SLC22A5: variants seen among roughly 807,000 people sequenced by gnomAD.
SLC22A5 encodes solute carrier family 22 member 5, also known as organic cation/carnitine transporter 2.
SLC22A5 carries 44 observed loss-of-function variants against 56.7 expected under a neutral mutation model. That is an observed-to-expected ratio of 0.78 (90% confidence interval 0.61 to 1.00). The LOEUF (loss-of-function observed/expected upper bound fraction) is 1.00. Among genes scored for constraint, SLC22A5 ranks in the 50% least tolerant of loss-of-function variants. SLC22A5 has a pLI of 0.00. For missense variants in SLC22A5, 675 were observed against 723.0 expected (o/e 0.93, Z 0.76); for synonymous variants, 278 against 292.1 (o/e 0.95, Z 0.49).
intron 9 of SLC22A5, 90 bp from the exon 10 acceptor site, chr5:132,394,095 A>T: frequency 2.2e-6 from 2 of 923,826 alleles, no homozygotes; most frequent in Non-Finnish European, 1.8e-6. Flanking sequence ...TTCTCTTCCC[A>T]GGGAAGATAT....
At chr5:132,382,541 C>T (rs550834115) in intron 2 of SLC22A5, 4 of 152,256 alleles carry the variant, frequency 2.6e-5, no homozygotes, top group African/African-American at 9.6e-5. Context: ...TCATTGAGAG[C>T]TTGGTCCCTA....
intron 1 of SLC22A5, chr5:132,377,583 T>C (rs1039344717): frequency 1.3e-5 from 2 of 152,714 alleles, no homozygotes; most frequent in African/African-American, 4.8e-5. Flanking sequence ...AGACCTCTTT[T>C]TCTGTTCATG....
intron 5 of SLC22A5, chr5:132,387,880 A>G: frequency 6.4e-6 from 1 of 155,448 alleles, no homozygotes; most frequent in Non-Finnish European, 1.4e-5. Flanking sequence ...AGAAGCTGTA[A>G]ATGCTGCCTG....
Position 132,370,134 on chromosome 5 carries a change from C to A in SLC22A5, c.162C>A (p.Asp54Glu). The A allele has an allele frequency of 6.2e-7, 1 of 1,610,390 alleles. No homozygotes were observed. Among genetic ancestry groups the A allele is most frequent in the Non-Finnish European group, 8.5e-7 (1 of 1,178,774 alleles). ...CGGAGCACCGCTGCCGGGTGCCGGA[C>A]GCCGCGAACCTGAGCAGCGCCTGGC... ...ATPEHRCRVP[D>E]AANLSSAWRN... Residue 54 changes from aspartate to glutamate, a missense_variant, in exon 1 of 10, where the codon GAC becomes GAA. Asp to Glu is a conservative substitution (Grantham distance 45). Transcript: ENST00000245407.
At chr5:132,371,271 C>T (rs1023112258) in intron 1 of SLC22A5, among the ~76,000 whole-genome samples, 2 of 152,176 alleles carry the variant, frequency 1.3e-5, no homozygotes, top group African/African-American at 2.4e-5. Context: ...CGTCAGTTGT[C>T]ACTCTTTAAG....
chr5:132,386,798 G>C (rs1037226298), intron 4 of SLC22A5, among the ~76,000 whole-genome samples: 3 of 152,182 alleles, frequency 2.0e-5, no homozygotes, highest in Non-Finnish European at 4.4e-5. Flanking sequence ...ATGCCGTCAG[G>C]GGGTGCAGGG....
At chr5:132,392,391 G>A in intron 7 of SLC22A5, 42 bp from the exon 8 acceptor site, 2 of 1,564,298 alleles carry the variant, frequency 1.3e-6, no homozygotes, top group Non-Finnish European at 1.8e-6. Context: ...TGCATGCCAT[G>A]GGTTGGTACC....
intron 8 of SLC22A5, 40 bp downstream of exon 8, chr5:132,392,655 TG>T (rs1752745186): frequency 6.4e-7 from 1 of 1,566,360 alleles, no homozygotes; most frequent in Non-Finnish European, 8.8e-7. Flanking sequence ...AGCAACGGGA[TG>T]GAAGTACTAA....
At position 132,370,117 on chromosome 5, in the gene SLC22A5, C is replaced by A. The variant is rs1241180857; in HGVS notation, c.145C>A (p.Arg49Ser). Reference sequence around the variant, plus strand: ...GTTCCTGATAGCGACCCCGGAGCACCGCTGCCGGGTGCCGGACGCCGCGAA... The same window carrying A: ...GTTCCTGATAGCGACCCCGGAGCACAGCTGCCGGGTGCCGGACGCCGCGAA... ...SVFLIATPEH[R>S]CRVPDAANLS... is the part of the protein sequence containing the mutation. The change falls in exon 1 of 10, where the codon CGC (arginine) becomes AGC (serine). Residue 49 changes from arginine to serine, a missense_variant. By Grantham distance (110) the Arg-to-Ser change is moderately radical (BLOSUM62 -1). Transcript: ENST00000245407. 1 of 1,611,336 alleles carries A rather than the reference C, an allele frequency of 6.2e-7. No individual in the cohort carries two copies. Among genetic ancestry groups the A allele is most frequent in the African/African-American group, 1.3e-5 (1 of 74,910 alleles).
intron 2 of SLC22A5, chr5:132,380,492 C>A (rs1294985118): frequency 6.6e-6 from 1 of 151,394 alleles, no homozygotes; most frequent in Admixed American, 6.6e-5. Flanking sequence ...TGAAGGGAAG[C>A]AAAAGGTGTT....
At chr5:132,371,718 TAGTG>T (rs915564750) in intron 1 of SLC22A5, among the ~76,000 whole-genome samples, 16 of 151,976 alleles carry the variant, frequency 1.1e-4, no homozygotes, top group African/African-American at 3.6e-4. Flanking sequence ...CTCAGCATAA[TAGTG>T]AGCTGAAGGC....
At position 132,394,542 on chromosome 5, in the gene SLC22A5, G is replaced by GT. The variant is rs1201366776; in HGVS notation, c.*272dup. 3 of 509,920 alleles carry GT rather than the reference G, an allele frequency of 5.9e-6. No individual in the cohort carries two copies. The highest frequency in any genetic ancestry group is 1.1e-5 in the Non-Finnish European group (3 of 284,460). The allele number at this position is 509,920 out of a possible 1,614,324, so 31.6% of individuals were successfully genotyped here. A position where few individuals can be genotyped will look rare whatever the true frequency, so the allele number is the denominator to read the frequency against. ...TGATGGACTCAGCACCTCCAAAGCA[G>GT]TTAATTTTTCACTAGAACCAGTGAG... On this transcript the variant is annotated 3_prime_UTR_variant, in exon 10 of 10. Coordinates refer to ENST00000245407, the MANE Select transcript of SLC22A5 (RefSeq NM_003060.4).
intron 5 of SLC22A5, among the ~76,000 whole-genome samples, 170 bp from the exon 6 acceptor site, chr5:132,388,751 A>G (rs1752611125): frequency 6.6e-6 from 1 of 152,186 alleles, no homozygotes; most frequent in Non-Finnish European, 1.5e-5. Context: ...GGCCTAGGGA[A>G]GTTTTCACAG....
Position 132,387,160 on chromosome 5 carries a change from C to T in SLC22A5, c.951+9C>T, listed in dbSNP as rs1752561326. ...TCTTTGACCCGAGTGAGGTAAGCACCATGTGGGTGTGGGTGAGAGGGACAG... is the reference window on the plus strand; with the variant it reads ...TCTTTGACCCGAGTGAGGTAAGCACTATGTGGGTGTGGGTGAGAGGGACAG... On this transcript the variant is annotated intron_variant, in intron 5 of 9. Coordinates refer to ENST00000245407, the MANE Select transcript of SLC22A5 (RefSeq NM_003060.4). 8 of 1,614,068 alleles carry T rather than the reference C, an allele frequency of 5.0e-6. No individual in the cohort carries two copies. Among genetic ancestry groups the T allele is most frequent in the African/African-American group, 2.7e-5 (2 of 74,992 alleles).
At chr5:132,392,382 G>T in intron 7 of SLC22A5, 51 bp from the exon 8 acceptor site, 1 of 1,518,926 alleles carries the variant, frequency 6.6e-7, no homozygotes. Context: ...CTCAATAGCT[G>T]CATGCCATGG....
Position 132,388,949 on chromosome 5 carries a change from A to C in SLC22A5, c.980A>C (p.Gln327Pro), listed in dbSNP as rs886059908. Residue 327 changes from glutamine to proline, a missense_variant, in exon 6 of 10, where the codon CAG (glutamine) becomes CCG (proline). Physicochemically the swap from Gln to Pro is moderately conservative, Grantham distance 76. Coordinates refer to ENST00000245407, the MANE Select transcript of SLC22A5 (RefSeq NM_003060.4). The part of the protein sequence containing the change: ...ELQDLSSKKQ[Q>P]SHNILDLLRT... Reference sequence around the variant, plus strand: ...CAAGACCTAAGTTCCAAGAAGCAGCAGTCCCACAACATTCTGGATCTGCTT... The same window carrying C: ...CAAGACCTAAGTTCCAAGAAGCAGCCGTCCCACAACATTCTGGATCTGCTT... 6.2e-7 allele frequency: 1 copy of C among 1,613,820 alleles called. No individual in the cohort carries two copies. Among genetic ancestry groups the C allele is most frequent in the East Asian group, 2.2e-5 (1 of 44,880 alleles).
At chr5:132,381,893 G>C (rs999126060) in intron 2 of SLC22A5, 40 of 152,152 alleles carry the variant, frequency 2.6e-4, no homozygotes, top group African/African-American at 9.7e-4. Flanking sequence ...ATCCCAGGGA[G>C]CTCTTAGGAA....
In SLC22A5 at chr5:132,385,633, A is replaced by G. The variant is rs1478513403; in HGVS notation, c.824+134A>G. 3.8e-6 allele frequency: 3 copies of G among 796,422 alleles called. 1 individual carries two copies. The highest frequency in any genetic ancestry group is 5.3e-5 in the East Asian group (2 of 37,520). 49.3% of individuals were successfully genotyped at this position (796,422 alleles called of 1,614,324 possible). Reference sequence around the variant, plus strand: ...GGAAGCATAGATTATAAATTATTTCAGAATGTTTTCTCCACACTCAAAAGA... The same window carrying G: ...GGAAGCATAGATTATAAATTATTTCGGAATGTTTTCTCCACACTCAAAAGA... On this transcript the variant is annotated intron_variant, in intron 4 of 9. Transcript: ENST00000245407.
intron 2 of SLC22A5, 132 bp from the exon 3 acceptor site, chr5:132,384,015 C>A: frequency 2.2e-6 from 2 of 893,322 alleles, no homozygotes; most frequent in South Asian, 1.4e-5. Flanking sequence ...GAGACTGTCC[C>A]TGGCAGCCAG....
Sources: allele counts gnomAD v4.1 joint callset (sites outside exome capture counted in the v4.1 genomes callset), GRCh38; gene constraint gnomAD v4.1.1; transcripts MANE v1.5; gene names NCBI Gene and HGNC (gene_info 2026-07-23, HGNC 2026-07-21).